Variants in TFRC observed in about 807,000 individuals in gnomAD.
The protein encoded by TFRC is transferrin receptor, also known as transferrin receptor protein 1.
Under a neutral mutation model 85.8 loss-of-function variants are expected in TFRC, and 35 were observed. The ratio of observed to expected loss-of-function variants is 0.41; its 90% CI spans 0.31 to 0.54. The LOEUF is 0.54. Ranked by LOEUF, TFRC falls within the 20% of genes least tolerant of loss-of-function variation. The pLI is 0.31. For synonymous variants in TFRC, 362 were observed against 328.6 expected (o/e 1.10, Z -1.10); for missense variants, 828 against 921.5 (o/e 0.90, Z 1.31).
In TFRC at chr3:196,058,364, C is replaced by T; in HGVS notation, c.1597G>A (p.Glu533Lys). ...YQDSNWASKV[E>K]KLTLDNAAFP... ...GCAGCATTGTCTAAAGTGAGTTTCT[C>T]ACTGCAAAGACAAAGAATGTGTCTT... The change falls in exon 16 of 19, where the codon GAG becomes AAG. Residue 533 changes from glutamate (E) to lysine (K), a missense_variant and splice_region_variant. Transcript: ENST00000360110. The T allele has an allele frequency of 1.2e-6, 2 of 1,613,494 alleles. No individual in the cohort carries two copies. Among genetic ancestry groups the T allele is most frequent in the South Asian group, 2.2e-5 (2 of 90,974 alleles).
intron 16 of TFRC, among the ~76,000 whole-genome samples, chr3:196,056,944 C>A (rs1203416845): frequency 1.3e-5 from 2 of 152,110 alleles, no homozygotes; most frequent in Non-Finnish European, 2.9e-5. Context: ...GCCTCAGCCT[C>A]CTGAGTAGCT....
intron 1 of TFRC, among the ~76,000 whole-genome samples, chr3:196,077,913 C>T (rs1297032074): frequency 6.6e-6 from 1 of 152,076 alleles, no homozygotes; most frequent in Non-Finnish European, 1.5e-5. Flanking sequence ...ATCTTTGACA[C>T]AAGAAGAAAC....
intron 2 of TFRC, among the ~76,000 whole-genome samples, chr3:196,075,885 G>C (rs917661355): frequency 1.3e-4 from 19 of 151,026 alleles, no homozygotes; most frequent in South Asian, 8.4e-4. Flanking sequence ...CAGCACTCTG[G>C]GGGGGGCCGA....
chr3:196,079,377 C>G (rs576427686), intron 1 of TFRC, among the ~76,000 whole-genome samples: 4 of 151,852 alleles, frequency 2.6e-5, no homozygotes, highest in Admixed American at 1.3e-4. Context: ...TTTGGGAGGC[C>G]GAGGCGAGCA....
chr3:196,055,351 A>G (rs1442447689), intron 16 of TFRC, 50 bp from the exon 17 acceptor site: 1 of 1,504,598 alleles, frequency 6.6e-7, no homozygotes, highest in South Asian at 1.1e-5. Context: ...TAAGAGCAAG[A>G]GCCTCACATT....
rs1217488446 is a variant in TFRC, at chr3:196,049,641, A to C, written c.*2301T>G. Reference sequence around the variant, plus strand: ...CTGTAGAAAAGGGTTTTCTGAAGAGACTCACTGCTGCAAAATGCATGCCCT... The same window carrying C: ...CTGTAGAAAAGGGTTTTCTGAAGAGCCTCACTGCTGCAAAATGCATGCCCT... On this transcript the variant is annotated 3_prime_UTR_variant, in exon 19 of 19. Coordinates refer to ENST00000360110, the MANE Select transcript of TFRC (RefSeq NM_001128148.3). 4.4e-6 allele frequency: 1 copy of C among 227,218 alleles called. No individual in the cohort carries two copies. Among genetic ancestry groups the C allele is most frequent in the Non-Finnish European group, 8.7e-6 (1 of 114,412 alleles). 14.1% of individuals were successfully genotyped at this position (227,218 alleles called of 1,614,324 possible).
At chr3:196,061,556 C>T (rs1490129833) in intron 13 of TFRC, among the ~76,000 whole-genome samples, 1 of 152,126 alleles carries the variant, frequency 6.6e-6, no homozygotes, top group Non-Finnish European at 1.5e-5. Context: ...ATGGCGCCAT[C>T]TTGGCTCACT....
intron 10 of TFRC, among the ~76,000 whole-genome samples, chr3:196,064,645 T>C (rs1717565677): frequency 6.6e-6 from 1 of 152,248 alleles, no homozygotes; most frequent in South Asian, 2.1e-4. Context: ...ACACTACTAA[T>C]TAAATTTACT....
intron 3 of TFRC, among the ~76,000 whole-genome samples, chr3:196,074,795 C>T (rs1718515747): frequency 1.3e-5 from 2 of 149,892 alleles, no homozygotes; most frequent in Admixed American, 1.3e-4. Flanking sequence ...AGAAGAATCG[C>T]TTGAACCTGG....
At chr3:196,053,966 G>T (rs1261658250) in intron 17 of TFRC, among the ~76,000 whole-genome samples, 1 of 152,202 alleles carries the variant, frequency 6.6e-6, no homozygotes, top group Admixed American at 6.5e-5. Flanking sequence ...GCCGGGCGTG[G>T]TGGCTCATGC....
intron 3 of TFRC, chr3:196,074,330 T>C (rs1718474633): frequency 2.4e-6 from 1 of 422,136 alleles, no homozygotes; most frequent in Non-Finnish European, 4.1e-6. Context: ...TAGCTACCTA[T>C]TCAAAACATA....
chr3:196,077,078 C>T lies in TFRC; in HGVS notation c.22G>A (p.Ala8Thr), dbSNP rs748123250. Residue 8 changes from alanine to threonine, a missense_variant, in exon 2 of 19, where the codon GCA (alanine) becomes ACA (threonine). Transcript: ENST00000360110. ...AAATATCTTACCAAGTTAGAGAATG[C>T]TGATCTAGCTTGATCCATCATTCTG... is the stretch of plus-strand genomic sequence containing the variant. MMDQARSAFSNLFGGEPL... is the reference protein window; with the variant it reads MMDQARSTFSNLFGGEPL... 24 of 1,613,602 alleles carry T rather than the reference C, an allele frequency of 1.5e-5. No individual in the cohort carries two copies. Among genetic ancestry groups the T allele is most frequent in the Non-Finnish European group, 2.0e-5 (24 of 1,179,702 alleles).
chr3:196,060,122 C>A, intron 14 of TFRC, 58 bp downstream of exon 14: 1 of 1,390,358 alleles, frequency 7.2e-7, no homozygotes, highest in Non-Finnish European at 1.0e-6. Context: ...TGTTTTTTAT[C>A]TCAGGTTGAT....
At chr3:196,062,777 T>A in intron 12 of TFRC, 77 bp downstream of exon 12, 12 of 1,576,932 alleles carry the variant, frequency 7.6e-6, no homozygotes, top group Non-Finnish European at 1.0e-5. Flanking sequence ...AAATCAAACC[T>A]ATAAAAACAT....
chr3:196,075,815 A>G (rs557167681), intron 2 of TFRC, among the ~76,000 whole-genome samples: 1 of 152,250 alleles, frequency 6.6e-6, no homozygotes, highest in African/African-American at 2.4e-5. Flanking sequence ...CTGACTAAGC[A>G]TAAGATAGAA....
chr3:196,063,110 A>AC, intron 11 of TFRC, 171 bp from the exon 12 acceptor site: 2 of 561,136 alleles, frequency 3.6e-6, no homozygotes, highest in Non-Finnish European at 6.2e-6. Context: ...TTTTTTTGAG[A>AC]CCCCAGGTAA....
Position 196,053,404 on chromosome 3 carries a change from A to T in TFRC, c.2040+14T>A. On this transcript the variant is annotated intron_variant, in intron 18 of 18. Coordinates refer to ENST00000360110, the MANE Select transcript of TFRC (RefSeq NM_001128148.3). ...CACATACTTTAGTTCCTCCTTTCCC[A>T]AAAGTTCACTTACTCTCATGACACG... The T allele has an allele frequency of 6.2e-7, 1 of 1,614,046 alleles. No individual in the cohort carries two copies. Among genetic ancestry groups the T allele is most frequent in the East Asian group, 2.2e-5 (1 of 44,874 alleles).
chr3:196,052,533 C>A (rs894365301), intron 18 of TFRC, among the ~76,000 whole-genome samples: 7 of 151,974 alleles, frequency 4.6e-5, no homozygotes, highest in Non-Finnish European at 5.9e-5. Context: ...CTCCACCTCC[C>A]GGGTTCAAGT....
chr3:196,054,384 G>A (rs1328150613), intron 17 of TFRC, among the ~76,000 whole-genome samples: 5 of 151,706 alleles, frequency 3.3e-5, no homozygotes, highest in African/African-American at 1.2e-4. Context: ...CAGCCTGGGG[G>A]ACAAGAGCGA....
Sources: allele counts gnomAD v4.1 joint callset (sites outside exome capture counted in the v4.1 genomes callset), GRCh38; gene constraint gnomAD v4.1.1; transcripts MANE v1.5; gene names NCBI Gene and HGNC (gene_info 2026-07-23, HGNC 2026-07-21).